Variants in GRID1 observed in about 807,000 individuals in gnomAD.
GRID1 encodes glutamate receptor ionotropic, delta-1.
In GRID1, 28 loss-of-function variants were observed where a neutral mutation model predicts 98.0. The observed-to-expected ratio is 0.29, with a 90% CI of 0.21 to 0.39. GRID1 has a LOEUF of 0.39. Among genes scored for constraint, GRID1 ranks in the 10% least tolerant of loss-of-function variants. The pLI, the probability that GRID1 is intolerant of heterozygous loss-of-function variation, is 1.00. For missense variants in GRID1, 1,111 were observed against 1,340.5 expected, an observed-to-expected ratio of 0.83 and a Z score of 2.67; for synonymous variants, 553 against 538.5, an observed-to-expected ratio of 1.03 and a Z score of -0.37.
In GRID1 at chr10:85,654,445, C is replaced by T. The variant is rs186077280; in HGVS notation, c.1998-7048G>A. Among the ~76,000 whole-genome samples, 17 of 152,270 alleles carry T rather than the reference C, an allele frequency of 1.1e-4. No individual in the cohort carries two copies. In the East Asian group the frequency reaches 1.3e-3, roughly 12 times the overall value. On this transcript the variant is annotated intron_variant, in intron 12 of 15. Coordinates refer to ENST00000327946, the MANE Select transcript of GRID1 (RefSeq NM_017551.3). ...TTTTGTAAAATTTGCATTTTTATTA[C>T]GTTATAAATAAAAAATGTGATCTGA... is the stretch of plus-strand genomic sequence containing the variant.
In GRID1 at chr10:86,046,350, C is replaced by G. The variant is rs370926519; in HGVS notation, c.726+92469G>C. Among the ~76,000 whole-genome samples the G allele has an allele frequency of 3.9e-5, 6 of 152,304 alleles. No individual in the cohort carries two copies. The South Asian group carries it at 6.2e-4, about 16-fold the overall frequency. ...TCACTGAGCTGCACCACCACCAGAG[C>G]TGCAACACTGCTGCTTCCATAAAGC... On this transcript the variant is annotated intron_variant, in intron 4 of 15. Transcript: ENST00000327946.
At chr10:86,133,204 C>A (rs1323363527) in intron 4 of GRID1, among the ~76,000 whole-genome samples, 5 of 151,450 alleles carry the variant, frequency 3.3e-5, no homozygotes, top group African/African-American at 9.7e-5. Flanking sequence ...TGGATCTGCA[C>A]AGGTGCATGT....
intron 8 of GRID1, among the ~76,000 whole-genome samples, chr10:85,782,605 TA>T (rs1842391093): frequency 6.6e-6 from 1 of 152,162 alleles, no homozygotes; most frequent in Non-Finnish European, 1.5e-5. Flanking sequence ...GTTATTTGAG[TA>T]AAAACCTTGA....
intron 12 of GRID1, among the ~76,000 whole-genome samples, chr10:85,721,827 C>T (rs1841705963): frequency 6.6e-6 from 1 of 152,078 alleles, no homozygotes; most frequent in African/African-American, 2.4e-5. Flanking sequence ...ATAGTATAGA[C>T]CCGAATGCAC....
At chr10:85,874,211 A>C (rs1317544773) in intron 5 of GRID1, among the ~76,000 whole-genome samples, 1 of 152,178 alleles carries the variant, frequency 6.6e-6, no homozygotes, top group Non-Finnish European at 1.5e-5. Context: ...AAATATGTAA[A>C]GTGTAAAATA....
chr10:86,059,033 T>C (rs571009005), intron 4 of GRID1, among the ~76,000 whole-genome samples: 2 of 151,918 alleles, frequency 1.3e-5, no homozygotes, highest in Non-Finnish European at 2.9e-5. Context: ...TCACCAGAGA[T>C]GGATATGAGC....
chr10:85,881,344 A>G (rs924936089), intron 5 of GRID1, among the ~76,000 whole-genome samples: 5 of 152,310 alleles, frequency 3.3e-5, no homozygotes, highest in African/African-American at 9.6e-5. Flanking sequence ...GAACAAAGCC[A>G]GAGGCATCAC....
intron 4 of GRID1, among the ~76,000 whole-genome samples, chr10:85,951,211 C>A (rs1453422534): frequency 6.6e-6 from 1 of 152,218 alleles, no homozygotes; most frequent in Non-Finnish European, 1.5e-5. Context: ...GAGAACCAGA[C>A]TCTGGGCTCC....
chr10:86,069,098 G>A (rs1174009411), intron 4 of GRID1, among the ~76,000 whole-genome samples: 1 of 152,020 alleles, frequency 6.6e-6, no homozygotes, highest in Admixed American at 6.6e-5. Flanking sequence ...GAGGACTGAG[G>A]ATGGGCCAGG....
Position 85,736,242 on chromosome 10 carries a change from AG to A in GRID1, c.1234-6629del, listed in dbSNP as rs1212826049. On this transcript the variant is annotated intron_variant, in intron 8 of 15. Transcript: ENST00000327946. ...AGGGAAGGAAGGAGAGAAGGAGGGA[AG>A]GAAGGAGAGAAGGAAGGAAGGAGAG... Among the ~76,000 whole-genome samples, 3 of 140,072 alleles carry A rather than the reference AG, an allele frequency of 2.1e-5. No individual in the cohort carries two copies. The East Asian group carries it at 7.2e-4, about 34-fold the overall frequency. The allele number at this position is 140,072 out of a possible 152,430, so 91.9% of individuals were successfully genotyped here.
chr10:86,338,264 G>A (rs984301783), intron 2 of GRID1, among the ~76,000 whole-genome samples: 4 of 142,544 alleles, frequency 2.8e-5, no homozygotes, highest in Admixed American at 6.7e-5. Context: ...CATGAACCAG[G>A]GTGGGCCAAT....
At chr10:85,698,723 T>C (rs905753475) in intron 12 of GRID1, among the ~76,000 whole-genome samples, 4 of 152,244 alleles carry the variant, frequency 2.6e-5, no homozygotes. Flanking sequence ...GTATGCTGTG[T>C]TTTGTAAGAA....
At chr10:86,262,942 C>G (rs1260708111) in intron 2 of GRID1, among the ~76,000 whole-genome samples, 1 of 151,706 alleles carries the variant, frequency 6.6e-6, no homozygotes, top group Non-Finnish European at 1.5e-5. Context: ...CGCCCTCCCT[C>G]CCCCGAGAGC....
intron 4 of GRID1, among the ~76,000 whole-genome samples, chr10:86,032,660 C>A (rs535786281): frequency 6.6e-6 from 1 of 152,168 alleles, no homozygotes; most frequent in East Asian, 1.9e-4. Flanking sequence ...ACTCCCTAAT[C>A]TCAAATACCC....
intron 8 of GRID1, among the ~76,000 whole-genome samples, chr10:85,740,724 T>A (rs1165376903): frequency 1.3e-5 from 2 of 151,262 alleles, no homozygotes; most frequent in Non-Finnish European, 2.9e-5. Context: ...TATATTAAAA[T>A]TTTACATCTA....
chr10:86,333,698 T>C (rs1848182219), intron 2 of GRID1, among the ~76,000 whole-genome samples: 1 of 152,242 alleles, frequency 6.6e-6, no homozygotes, highest in African/African-American at 2.4e-5. Context: ...GAATGTATTA[T>C]ATACTGTATT....
rs193076048 is a variant in GRID1, at chr10:86,026,463, A to C, written c.727-110224T>G. Among the ~76,000 whole-genome samples the C allele has an allele frequency of 4.6e-3, 706 of 152,306 alleles. 6 individuals are homozygous for C. The highest frequency in any genetic ancestry group is 0.016 in the African/African-American group (674 of 41,570). On this transcript the variant is annotated intron_variant, in intron 4 of 15. Coordinates refer to ENST00000327946, the MANE Select transcript of GRID1 (RefSeq NM_017551.3). The stretch of plus-strand genomic sequence containing the variant: ...TCAAGTTTCAGAGGAACGGAGGATG[A>C]GGGTTTCAAGCAGCTTTACTTCAGA...
chr10:86,017,247 G>T (rs10887550), intron 4 of GRID1, among the ~76,000 whole-genome samples: 2 of 152,114 alleles, frequency 1.3e-5, no homozygotes, highest in African/African-American at 2.4e-5. Flanking sequence ...ATAGAATTCC[G>T]GGCACATGGG....
chr10:85,677,458 A>C (rs1457208470), intron 12 of GRID1, among the ~76,000 whole-genome samples: 2 of 152,246 alleles, frequency 1.3e-5, no homozygotes, highest in African/African-American at 4.8e-5. Context: ...AAAGAGAAAC[A>C]GTAACTTCAA....
Sources: gnomAD v4.1 joint callset for allele counts (sites outside exome capture counted in the v4.1 genomes callset) on GRCh38, gnomAD v4.1.1 for gene constraint, MANE v1.5 for transcripts, NCBI Gene and HGNC (gene_info 2026-07-23, HGNC 2026-07-21) for gene names.